ADAMTS6: variants seen among roughly 807,000 people sequenced by gnomAD.
ADAMTS6 encodes ADAM metallopeptidase with thrombospondin type 1 motif 6, also known as A disintegrin and metalloproteinase with thrombospondin motifs 6.
In ADAMTS6, 23 loss-of-function variants were observed where a neutral mutation model predicts 144.3. The observed-to-expected ratio is 0.16, with a 90% CI of 0.11 to 0.23. ADAMTS6 has a LOEUF of 0.23. Among genes scored for constraint, ADAMTS6 ranks in the 10% least tolerant of loss-of-function variants. The pLI, the probability that ADAMTS6 is intolerant of heterozygous loss-of-function variation, is 1.00. For missense variants in ADAMTS6, 999 were observed against 1,379.6 expected, an observed-to-expected ratio of 0.72 and a Z score of 4.37; for synonymous variants, 444 against 457.5, an observed-to-expected ratio of 0.97 and a Z score of 0.38.
chr5:65,219,104 A>G (rs550092933), intron 18 of ADAMTS6, among the ~76,000 whole-genome samples: 1 of 152,326 alleles, frequency 6.6e-6, no homozygotes, highest in South Asian at 2.1e-4. Context: ...ACAAACAGAA[A>G]AACAGCAAGA....
At chr5:65,297,296 G>C (rs1033512892) in intron 10 of ADAMTS6, 1 of 454,350 alleles carries the variant, frequency 2.2e-6, no homozygotes, top group Admixed American at 2.4e-5. Context: ...TTGATCAATA[G>C]CATCTAGTGT....
At chr5:65,313,053 T>C (rs1451339924) in intron 9 of ADAMTS6, among the ~76,000 whole-genome samples, 1 of 151,074 alleles carries the variant, frequency 6.6e-6, no homozygotes, top group African/African-American at 2.4e-5. Flanking sequence ...TCCAGCAAAA[T>C]GAAGAAAAAT....
intron 21 of ADAMTS6, among the ~76,000 whole-genome samples, chr5:65,189,858 C>A (rs1013802478): frequency 2.0e-5 from 3 of 152,182 alleles, no homozygotes; most frequent in Non-Finnish European, 4.4e-5. Flanking sequence ...CACGGGATCA[C>A]AAGACATTTT....
rs536474493 is a variant in ADAMTS6 at position 65,262,778 on chromosome 5, G to C, written c.1766+39C>G. ...CCACAGCTTTGAATCATTTCCAACT[G>C]TGTCTTTTTGTTGGCTCCGGCTTAC... is the stretch of plus-strand genomic sequence containing the variant. On this transcript the variant is annotated intron_variant, in intron 13 of 24. Coordinates refer to ENST00000381055, the MANE Select transcript of ADAMTS6 (RefSeq NM_197941.4). 121 of 1,473,248 alleles carry C rather than the reference G, an allele frequency of 8.2e-5. 2 individuals carry two copies. In the South Asian group the frequency reaches 1.7e-3, roughly 21 times the overall value. 91.3% of individuals were successfully genotyped at this position (1,473,248 alleles called of 1,614,324 possible).
chr5:65,334,808 G>A (rs1407103208), intron 7 of ADAMTS6, among the ~76,000 whole-genome samples: 8 of 151,958 alleles, frequency 5.3e-5, no homozygotes, highest in South Asian at 4.1e-4. Context: ...ATTACATTTC[G>A]AATCCTGTCA....
rs561018868 is a variant in ADAMTS6 at position 65,403,939 on chromosome 5, GA to G, written c.1073+47535del. Among the ~76,000 whole-genome samples, 8 of 151,620 alleles carry G rather than the reference GA, an allele frequency of 5.3e-5. No individual in the cohort carries two copies. The South Asian group carries it at 1.2e-3, about 24-fold the overall frequency. On this transcript the variant is annotated intron_variant, in intron 7 of 24. Coordinates refer to ENST00000381055, the MANE Select transcript of ADAMTS6 (RefSeq NM_197941.4). ...TATATTTCAGTGCATAGAATGCACA[GA>G]AAAAAAAGAGTGCCTGATACAAATG... is the stretch of plus-strand genomic sequence containing the variant.
chr5:65,457,790 G>C (rs2150259492), intron 4 of ADAMTS6, among the ~76,000 whole-genome samples: 1 of 121,562 alleles, frequency 8.2e-6, no homozygotes, highest in South Asian at 2.7e-4. Flanking sequence ...CTCTCGGTGT[G>C]ATCTTCGCTC....
At chr5:65,315,520 A>C (rs1201552626) in intron 9 of ADAMTS6, among the ~76,000 whole-genome samples, 1 of 152,118 alleles carries the variant, frequency 6.6e-6, no homozygotes, top group African/African-American at 2.4e-5. Context: ...TAAATATGAA[A>C]GTTTTAAATA....
intron 7 of ADAMTS6, among the ~76,000 whole-genome samples, chr5:65,442,515 G>A (rs1180025627): frequency 6.6e-6 from 1 of 151,950 alleles, no homozygotes; most frequent in East Asian, 1.9e-4. Flanking sequence ...CCAGAAAATT[G>A]AAAAGAAGGA....
intron 7 of ADAMTS6, among the ~76,000 whole-genome samples, chr5:65,361,213 T>C (rs991638705): frequency 1.1e-4 from 17 of 152,172 alleles, no homozygotes; most frequent in African/African-American, 4.1e-4. Context: ...TTTAAAATAG[T>C]TTAGACAAAC....
chr5:65,465,094 G>C (rs1759899040), intron 3 of ADAMTS6, among the ~76,000 whole-genome samples: 2 of 152,112 alleles, frequency 1.3e-5, no homozygotes, highest in South Asian at 4.1e-4. Flanking sequence ...ATGCTGACTG[G>C]TCTCACTTTA....
intron 7 of ADAMTS6, among the ~76,000 whole-genome samples, chr5:65,414,826 G>A (rs1482425516): frequency 9.2e-5 from 14 of 152,020 alleles, no homozygotes; most frequent in East Asian, 5.8e-4. Flanking sequence ...ATATGCAAAC[G>A]TTAATTCAAA....
intron 9 of ADAMTS6, among the ~76,000 whole-genome samples, chr5:65,326,634 A>G (rs1746201171): frequency 6.6e-6 from 1 of 152,212 alleles, no homozygotes; most frequent in South Asian, 2.1e-4. Flanking sequence ...AATATTCTTC[A>G]CTGTAATTAA....
At chr5:65,224,698 C>G (rs1291232265) in intron 17 of ADAMTS6, among the ~76,000 whole-genome samples, 2 of 152,120 alleles carry the variant, frequency 1.3e-5, no homozygotes, top group African/African-American at 4.8e-5. Flanking sequence ...AGAATGTACA[C>G]CTTTAAGAAA....
chr5:65,172,019 T>A (rs2112079556), intron 23 of ADAMTS6, among the ~76,000 whole-genome samples: 1 of 142,684 alleles, frequency 7.0e-6, no homozygotes, highest in Admixed American at 7.2e-5. Flanking sequence ...GGGATGGTGA[T>A]GTTTACAGGG....
intron 18 of ADAMTS6, among the ~76,000 whole-genome samples, chr5:65,216,708 T>A (rs1434840304): frequency 6.6e-6 from 1 of 151,692 alleles, no homozygotes; most frequent in African/African-American, 2.4e-5. Context: ...GAAAAATTTC[T>A]AAGCATGACA....
At chr5:65,373,620 C>T (rs1161741045) in intron 7 of ADAMTS6, among the ~76,000 whole-genome samples, 1 of 152,080 alleles carries the variant, frequency 6.6e-6, no homozygotes, top group Non-Finnish European at 1.5e-5. Flanking sequence ...TAATCAATAG[C>T]TTACCAACCA....
At chr5:65,263,435 C>T (rs1032310776) in intron 12 of ADAMTS6, among the ~76,000 whole-genome samples, 1 of 143,088 alleles carries the variant, frequency 7.0e-6, no homozygotes, top group Non-Finnish European at 1.5e-5. Context: ...AAAAAAAAGC[C>T]GGTTGAGGCT....
At chr5:65,314,493 C>T (rs1744800590) in intron 9 of ADAMTS6, among the ~76,000 whole-genome samples, 1 of 151,950 alleles carries the variant, frequency 6.6e-6, no homozygotes, top group African/African-American at 2.4e-5. Context: ...GTAATAATGG[C>T]TAAGAATTTT....
Sources: allele counts gnomAD v4.1 joint callset (sites outside exome capture counted in the v4.1 genomes callset), GRCh38; gene constraint gnomAD v4.1.1; transcripts MANE v1.5; gene names NCBI Gene and HGNC (gene_info 2026-07-23, HGNC 2026-07-21).